ZNF644: variants seen among roughly 807,000 people sequenced by gnomAD.
ZNF644 encodes zinc finger protein 644.
A neutral mutation model predicts 108.0 loss-of-function variants in ZNF644; 20 were observed. That is an observed-to-expected ratio of 0.19 (90% confidence interval 0.13 to 0.27). ZNF644 has a LOEUF of 0.27. ZNF644 is among the 10% of genes least tolerant of loss of function. The probability of loss-of-function intolerance (pLI) is 1.00; values close to 1 mark genes in which losing one functional copy is unlikely to be tolerated. For synonymous variants in ZNF644, 542 were observed against 539.1 expected, an observed-to-expected ratio of 1.01 and a Z score of -0.08; for missense variants, 1,338 against 1,548.9, an observed-to-expected ratio of 0.86 and a Z score of 2.29.
At chr1:90,996,955 C>T (rs970676764) in intron 1 of ZNF644, among the ~76,000 whole-genome samples, 8 of 152,102 alleles carry the variant, frequency 5.3e-5, no homozygotes, top group African/African-American at 1.9e-4. Context: ...CAGCACTTAC[C>T]TAGTATAAAA....
intron 2 of ZNF644, among the ~76,000 whole-genome samples, chr1:90,943,155 T>C (rs950437541): frequency 6.6e-6 from 1 of 152,078 alleles, no homozygotes; most frequent in Non-Finnish European, 1.5e-5. Context: ...ATAAAATTGT[T>C]CTTAGGCTGG....
intron 2 of ZNF644, among the ~76,000 whole-genome samples, chr1:90,979,283 C>A (rs975587042): frequency 2.6e-5 from 4 of 152,034 alleles, no homozygotes; most frequent in African/African-American, 4.8e-5. Flanking sequence ...ACTAGCCTGA[C>A]GAACATAGTG....
Position 90,938,476 on chromosome 1 carries a change from G to A in ZNF644, c.2878C>T (p.Leu960Phe). The stretch of plus-strand genomic sequence containing the variant: ...CAGTAAGGACACGATTTCTTCTCAA[G>A]AGACAAATCAGTCCAATGAAAAACA... ...SSVFHWTDLS[L>F]EKKSCPYCPA... Residue 960 changes from leucine (L) to phenylalanine (F), a missense_variant, in exon 3 of 6, where the codon CTT becomes TTT. By Grantham distance (22) the Leu-to-Phe change is conservative (BLOSUM62 0). Transcript: ENST00000337393. The surrounding 1 kb of genome is among the most constrained non-coding windows in gnomAD (Gnocchi z 4.2). 6.2e-7 allele frequency: 1 copy of A among 1,613,962 alleles called. No individual in the cohort carries two copies. Among genetic ancestry groups the A allele is most frequent in the Non-Finnish European group, 8.5e-7 (1 of 1,179,920 alleles).
intron 2 of ZNF644, among the ~76,000 whole-genome samples, chr1:90,964,094 T>C (rs1048697741): frequency 1.3e-5 from 2 of 152,168 alleles, no homozygotes; most frequent in African/African-American, 4.8e-5. Flanking sequence ...CAAGATCCTT[T>C]ATCTAATTAA....
intron 1 of ZNF644, among the ~76,000 whole-genome samples, chr1:91,006,482 T>C (rs1190949805): frequency 2.0e-5 from 3 of 152,180 alleles, no homozygotes; most frequent in South Asian, 2.1e-4. Flanking sequence ...ATTAACACTA[T>C]TCCTTCTCAA....
Position 90,916,568 on chromosome 1 carries a change from A to T in ZNF644, c.*230T>A. The T allele has an allele frequency of 1.9e-6, 1 of 535,330 alleles. No individual in the cohort carries two copies. Among genetic ancestry groups the T allele is most frequent in the Non-Finnish European group, 3.3e-6 (1 of 301,396 alleles). 33.2% of individuals were successfully genotyped at this position (535,330 alleles called of 1,614,324 possible). ...TACTGCTCTTTTACTGAGTGAACAC[A>T]GTTAACCAACAAAACTTCATAAACC... On this transcript the variant is annotated 3_prime_UTR_variant, in exon 6 of 6. Coordinates refer to ENST00000337393, the MANE Select transcript of ZNF644 (RefSeq NM_201269.3).
At chr1:90,990,839 T>C (rs1319239187) in intron 1 of ZNF644, among the ~76,000 whole-genome samples, 2 of 152,170 alleles carry the variant, frequency 1.3e-5, no homozygotes, top group Non-Finnish European at 2.9e-5. Flanking sequence ...AAAGGAGTCT[T>C]GCCTCAGTGG....
chr1:90,939,529 G>T lies in ZNF644; in HGVS notation c.1825C>A (p.His609Asn). The part of the protein sequence containing the change: ...SVLKKHTEYL[H>N]SSSCVDSFGS... ...AATGAATCAACACATGATGATGAAT[G>T]CAAGTACTCCGTGTGCTTTTTTAAA... The change falls in exon 3 of 6, where the codon CAT (histidine) becomes AAT (asparagine). Residue 609 changes from histidine (H) to asparagine (N), a missense_variant. This residue lies in a region of ZNF644 where 462 missense variants were observed against 472.6 expected (regional missense o/e 0.98). Coordinates refer to ENST00000337393, the MANE Select transcript of ZNF644 (RefSeq NM_201269.3). 1 of 1,613,920 alleles carries T rather than the reference G, an allele frequency of 6.2e-7. No individual in the cohort carries two copies. The highest frequency in any genetic ancestry group is 1.1e-5 in the South Asian group (1 of 91,078).
intron 2 of ZNF644, among the ~76,000 whole-genome samples, chr1:90,963,325 G>A (rs1181781996): frequency 6.6e-6 from 1 of 151,956 alleles, no homozygotes; most frequent in Non-Finnish European, 1.5e-5. Flanking sequence ...AAATTAAAGG[G>A]GATATTAATA....
chr1:90,940,579 A>G lies in ZNF644; in HGVS notation c.775T>C (p.Trp259Arg). Residue 259 changes from tryptophan to arginine, a missense_variant, in exon 3 of 6, where the codon TGG (tryptophan) becomes CGG (arginine). Physicochemically the swap from Trp to Arg is moderately radical, Grantham distance 101. This residue lies in a region of ZNF644 where 464 missense variants were observed against 457.9 expected (regional missense o/e 1.01). Transcript: ENST00000337393. ...DGFRSENDTN[W>R]DPQKEFIQFL... ...TGAATGAACTCTTTTTGGGGATCCC[A>G]GTTTGTATCATTTTCTGACCTAAAT... 1 of 1,613,802 alleles carries G rather than the reference A, an allele frequency of 6.2e-7. No individual in the cohort carries two copies. Among genetic ancestry groups the G allele is most frequent in the African/African-American group, 1.3e-5 (1 of 74,952 alleles).
chr1:91,017,129 G>A (rs1055372930), intron 1 of ZNF644, among the ~76,000 whole-genome samples: 13 of 152,020 alleles, frequency 8.6e-5, no homozygotes, highest in East Asian at 1.9e-4. Flanking sequence ...CTCCACACCC[G>A]GCCTATATAA....
chr1:90,983,244 C>G (rs1235947159), intron 1 of ZNF644, among the ~76,000 whole-genome samples: 1 of 152,066 alleles, frequency 6.6e-6, no homozygotes, highest in Non-Finnish European at 1.5e-5. Context: ...GAACCACAGA[C>G]CTAGAATTTT....
intron 1 of ZNF644, among the ~76,000 whole-genome samples, chr1:90,998,689 G>C (rs1202148927): frequency 6.6e-6 from 1 of 152,218 alleles, no homozygotes; most frequent in Non-Finnish European, 1.5e-5. Context: ...ACAGAACAAA[G>C]CTGGACAGAG....
chr1:90,933,752 TAAG>T (rs1651018715), intron 4 of ZNF644, among the ~76,000 whole-genome samples: 1 of 152,130 alleles, frequency 6.6e-6, no homozygotes, highest in Non-Finnish European at 1.5e-5. Context: ...ATTTTAAAAA[TAAG>T]AAATTCAAAA....
At chr1:90,987,982 C>T (rs1436976902) in intron 1 of ZNF644, among the ~76,000 whole-genome samples, 2 of 152,116 alleles carry the variant, frequency 1.3e-5, no homozygotes, top group African/African-American at 4.8e-5. Context: ...GAAAGCGTTT[C>T]CTCTAAGATA....
chr1:90,928,933 C>T (rs1557551327), intron 4 of ZNF644, among the ~76,000 whole-genome samples: 1 of 151,970 alleles, frequency 6.6e-6, no homozygotes, highest in East Asian at 1.9e-4. Context: ...TGATCTTTTC[C>T]CACTGGGTTA....
intron 1 of ZNF644, among the ~76,000 whole-genome samples, chr1:91,005,573 G>A (rs1331271161): frequency 1.3e-5 from 2 of 152,042 alleles, no homozygotes; most frequent in African/African-American, 4.8e-5. Flanking sequence ...AAAAATCATA[G>A]AGAGTACGTT....
intron 2 of ZNF644, among the ~76,000 whole-genome samples, chr1:90,953,290 G>A (rs1653383098): frequency 7.6e-6 from 1 of 131,486 alleles, no homozygotes; most frequent in Non-Finnish European, 1.6e-5. Flanking sequence ...GGAATAAAAT[G>A]AGCCACCATT....
At chr1:90,968,842 T>C (rs2101243366) in intron 2 of ZNF644, among the ~76,000 whole-genome samples, 1 of 152,358 alleles carries the variant, frequency 6.6e-6, no homozygotes, top group African/African-American at 2.4e-5. Context: ...ATACCTTGAA[T>C]GCATATATGC....
Sources: gnomAD v4.1 joint callset for allele counts (sites outside exome capture counted in the v4.1 genomes callset) on GRCh38, gnomAD v4.1.1 for gene constraint, gnomAD v4.1.1 regional missense constraint, Gnocchi (gnomAD v3.1) non-coding constraint, MANE v1.5 for transcripts, NCBI Gene and HGNC (gene_info 2026-07-23, HGNC 2026-07-21) for gene names.